The following NRG4 variants were observed in gnomAD, a reference collection of about 807,000 sequenced individuals.
NRG4 encodes pro-neuregulin-4, membrane-bound isoform.
NRG4 carries 10 observed loss-of-function variants against 15.0 expected under a neutral mutation model. The observed-to-expected ratio is 0.67, with a 90% CI of 0.41 to 1.13. The LOEUF is 1.13. NRG4 is among the 50% of genes most tolerant of loss of function. The pLI is 0.00. For synonymous variants in NRG4, 41 were observed against 50.1 expected, an observed-to-expected ratio of 0.82 and a Z score of 0.77; for missense variants, 139 against 140.2, an observed-to-expected ratio of 0.99 and a Z score of 0.04.
chr15:76,048,085 G>A (rs919687763), intron 4 of NRG4, among the ~76,000 whole-genome samples: 1 of 149,820 alleles, frequency 6.7e-6, no homozygotes, highest in African/African-American at 2.5e-5. Context: ...TGGAGCCCAG[G>A]AGTTCAAGGC....
intron 2 of NRG4, among the ~76,000 whole-genome samples, chr15:76,054,630 G>C (rs912609830): frequency 6.6e-6 from 1 of 152,096 alleles, no homozygotes; most frequent in African/African-American, 2.4e-5. Context: ...GGCCAGGCTG[G>C]TCTCAAACTC....
At chr15:75,964,857 A>G (rs2032714302) in intron 3 of NRG4, among the ~76,000 whole-genome samples, 1 of 152,098 alleles carries the variant, frequency 6.6e-6, no homozygotes, top group Non-Finnish European at 1.5e-5. Context: ...GCCCAGGTCA[A>G]GGCATAGTGA....
chr15:75,956,060 A>C (rs757170065), intron 4 of NRG4, 49 bp from the exon 5 acceptor site: 2 of 1,098,310 alleles, frequency 1.8e-6, no homozygotes, highest in Admixed American at 3.6e-5. Context: ...TAATAGGAAA[A>C]GCATGTCAGA....
At chr15:75,938,416 A>C (rs1304049335), downstream of NRG4, 1 of 152,210 alleles carries the variant, frequency 6.6e-6, no homozygotes, top group African/African-American at 2.4e-5. Context: ...ACAGGAAAAT[A>C]ATGCGCATTC....
At chr15:76,010,278 C>T (rs544482175) in intron 2 of NRG4, among the ~76,000 whole-genome samples, 1 of 152,144 alleles carries the variant, frequency 6.6e-6, no homozygotes, top group South Asian at 2.1e-4. Context: ...ATTGTTAGTT[C>T]CTAATTGTTT....
chr15:75,976,047 T>C (rs2033350040), intron 3 of NRG4, among the ~76,000 whole-genome samples: 1 of 152,018 alleles, frequency 6.6e-6, no homozygotes, highest in Non-Finnish European at 1.5e-5. Context: ...TTTTCATTTT[T>C]TTCTCTAATC....
At chr15:76,031,114 G>T (rs1454775338) in intron 5 of NRG4, among the ~76,000 whole-genome samples, 1 of 151,892 alleles carries the variant, frequency 6.6e-6, no homozygotes, top group Non-Finnish European at 1.5e-5. Flanking sequence ...AAAAGACAAA[G>T]ATTATATTGT....
intron 3 of NRG4, among the ~76,000 whole-genome samples, chr15:75,974,639 T>C (rs1333673299): frequency 1.3e-5 from 2 of 152,224 alleles, no homozygotes; most frequent in Non-Finnish European, 2.9e-5. Flanking sequence ...CAGGATTAGA[T>C]TGTTCAGTTT....
At chr15:75,955,877 C>T in intron 5 of NRG4, 55 bp downstream of exon 5, 2 of 966,584 alleles carry the variant, frequency 2.1e-6, no homozygotes, top group Admixed American at 1.9e-5. Context: ...CTACATCTAA[C>T]AACAACAGTC....
At chr15:75,965,022 G>A (rs1184777308) in intron 3 of NRG4, among the ~76,000 whole-genome samples, 1 of 152,104 alleles carries the variant, frequency 6.6e-6, no homozygotes, top group Non-Finnish European at 1.5e-5. Flanking sequence ...TCAGGAGATC[G>A]AGACCATCCT....
intron 3 of NRG4, among the ~76,000 whole-genome samples, chr15:76,004,188 A>T (rs1217420049): frequency 6.6e-6 from 1 of 152,248 alleles, no homozygotes; most frequent in South Asian, 2.1e-4. Context: ...GATTGAAGTT[A>T]AGCTGGTATA....
At chr15:75,976,801 T>A (rs1365680485) in intron 3 of NRG4, among the ~76,000 whole-genome samples, 4 of 152,140 alleles carry the variant, frequency 2.6e-5, no homozygotes, top group African/African-American at 9.7e-5. Context: ...TCAGGAGGCA[T>A]GGGGGTCAGG....
At chr15:75,947,802 C>A (rs552158876) in intron 5 of NRG4, among the ~76,000 whole-genome samples, 2 of 152,304 alleles carry the variant, frequency 1.3e-5, no homozygotes, top group South Asian at 4.1e-4. Flanking sequence ...CTCACCAACA[C>A]ATGGTTTCTG....
At chr15:75,996,936 G>T (rs918284918) in intron 3 of NRG4, among the ~76,000 whole-genome samples, 5 of 152,056 alleles carry the variant, frequency 3.3e-5, no homozygotes, top group African/African-American at 1.2e-4. Context: ...TATTGGTTGA[G>T]AAACTTTGTA....
intron 1 of NRG4, among the ~76,000 whole-genome samples, chr15:76,059,047 A>G (rs374654464): frequency 2.1e-4 from 32 of 152,260 alleles, no homozygotes; most frequent in African/African-American, 7.7e-4. Context: ...CAAGGGGCGC[A>G]ATGTTACTTT....
chr15:76,005,033 A>G (rs1264914415), intron 3 of NRG4, among the ~76,000 whole-genome samples: 1 of 152,188 alleles, frequency 6.6e-6, no homozygotes, highest in African/African-American at 2.4e-5. Flanking sequence ...ATGTATTACT[A>G]TATTCTTATA....
chr15:75,961,788 T>C (rs775090730), intron 4 of NRG4, 40 bp downstream of exon 4: 2 of 1,455,712 alleles, frequency 1.4e-6, no homozygotes, highest in South Asian at 1.2e-5. Context: ...AACTACTTTA[T>C]GTATTACTTT....
intron 4 of NRG4, among the ~76,000 whole-genome samples, chr15:75,960,736 G>A (rs1438147032): frequency 1.3e-5 from 2 of 152,138 alleles, no homozygotes; most frequent in Non-Finnish European, 2.9e-5. Flanking sequence ...TGATGGATGA[G>A]TGGCAAGGTC....
intron 3 of NRG4, among the ~76,000 whole-genome samples, chr15:75,989,167 T>C (rs1325358261): frequency 6.6e-6 from 1 of 152,168 alleles, no homozygotes; most frequent in Non-Finnish European, 1.5e-5. Context: ...CCTGAGTGAA[T>C]TTTTAAAGTT....
Sources: allele counts gnomAD v4.1 joint callset (sites outside exome capture counted in the v4.1 genomes callset), GRCh38; gene constraint gnomAD v4.1.1; transcripts MANE v1.5; gene names NCBI Gene and HGNC (gene_info 2026-07-23, HGNC 2026-07-21).